TSC22D1: variants seen among roughly 807,000 people sequenced by gnomAD.
TSC22D1 encodes TSC22 domain family protein 1.
Under a neutral mutation model 74.2 loss-of-function variants are expected in TSC22D1, and 9 were observed. The observed-to-expected ratio is 0.12, with a 90% CI of 0.07 to 0.21. TSC22D1 has a LOEUF of 0.21. Among genes scored for constraint, TSC22D1 ranks in the 10% least tolerant of loss-of-function variants. The pLI is 1.00. For missense variants in TSC22D1, 1,427 were observed against 1,304.7 expected (o/e 1.09, Z -1.44); for synonymous variants, 586 against 492.5 (o/e 1.19, Z -2.51).
intron 1 of TSC22D1, among the ~76,000 whole-genome samples, chr13:44,470,296 A>G (rs1032321144): frequency 2.0e-5 from 3 of 152,188 alleles, no homozygotes; most frequent in African/African-American, 7.2e-5. Flanking sequence ...TAATGAGCAA[A>G]CCAAGAAGTC....
intron 1 of TSC22D1, among the ~76,000 whole-genome samples, chr13:44,525,795 C>CAAAAAAAAAAAAAAAAAAAAAAAAA (rs59399056): frequency 7.9e-5 from 7 of 88,550 alleles, no homozygotes; most frequent in Non-Finnish European, 1.3e-4. Flanking sequence ...TAGCTTTTAA[C>CAAAAAAAAAAAAAAAAAAAAAAAAA]AAAAAAAAAA....
intron 1 of TSC22D1, among the ~76,000 whole-genome samples, chr13:44,548,382 G>C (rs747662268): frequency 6.6e-6 from 1 of 152,166 alleles, no homozygotes; most frequent in Non-Finnish European, 1.5e-5. Context: ...CTGCACTCCA[G>C]CCTGGGTGAC....
intron 1 of TSC22D1, among the ~76,000 whole-genome samples, chr13:44,503,805 G>A (rs1406595828): frequency 2.0e-5 from 3 of 151,858 alleles, no homozygotes; most frequent in African/African-American, 7.3e-5. Context: ...CTTGAATACC[G>A]ATCAATTACA....
intron 1 of TSC22D1, among the ~76,000 whole-genome samples, chr13:44,567,171 C>A (rs1033120172): frequency 2.6e-5 from 4 of 152,150 alleles, no homozygotes; most frequent in African/African-American, 9.7e-5. Context: ...ATTCCACATC[C>A]CCCTCACTGC....
intron 1 of TSC22D1, among the ~76,000 whole-genome samples, chr13:44,449,053 C>G (rs1406450411): frequency 1.3e-5 from 2 of 152,238 alleles, no homozygotes; most frequent in Non-Finnish European, 2.9e-5. Context: ...GTGGAAACCA[C>G]AGCCAGAGAC....
intron 1 of TSC22D1, chr13:44,538,820 T>C (rs1881300175): frequency 3.0e-6 from 3 of 985,422 alleles, no homozygotes; most frequent in African/African-American, 3.5e-5. Flanking sequence ...ACAGATATCA[T>C]CCATGAAGGC....
intron 1 of TSC22D1, among the ~76,000 whole-genome samples, chr13:44,567,410 C>T (rs748104557): frequency 2.6e-5 from 4 of 151,750 alleles, no homozygotes; most frequent in Non-Finnish European, 5.9e-5. Context: ...ACATGACTAC[C>T]AACTATCTGA....
intron 1 of TSC22D1, among the ~76,000 whole-genome samples, chr13:44,498,921 A>T (rs1879099614): frequency 1.3e-5 from 2 of 152,228 alleles, no homozygotes; most frequent in East Asian, 3.8e-4. Flanking sequence ...CCTTCTTATT[A>T]AAAAAACTGA....
chr13:44,448,493 T>A (rs1488098037), intron 1 of TSC22D1, among the ~76,000 whole-genome samples: 1 of 152,166 alleles, frequency 6.6e-6, no homozygotes, highest in Non-Finnish European at 1.5e-5. Context: ...TTTAAGGATA[T>A]TACCTAGCTC....
intron 1 of TSC22D1, among the ~76,000 whole-genome samples, chr13:44,528,935 A>G (rs1364245828): frequency 6.6e-6 from 1 of 152,086 alleles, no homozygotes; most frequent in Non-Finnish European, 1.5e-5. Context: ...GGGAAAAAAC[A>G]GATAAACTGA....
chr13:44,517,366 ACTC>A (rs541261115), intron 1 of TSC22D1, among the ~76,000 whole-genome samples: 96 of 151,968 alleles, frequency 6.3e-4, no homozygotes, highest in Admixed American at 2.2e-3. Context: ...ACACAAATGT[ACTC>A]CTTCCTCACA....
intron 1 of TSC22D1, among the ~76,000 whole-genome samples, chr13:44,463,065 T>C (rs964883566): frequency 6.6e-6 from 1 of 152,180 alleles, no homozygotes; most frequent in Non-Finnish European, 1.5e-5. Context: ...TTCTTTCCCC[T>C]ACTAATCCTA....
intron 1 of TSC22D1, among the ~76,000 whole-genome samples, chr13:44,450,153 A>G (rs932688959): frequency 6.6e-6 from 1 of 152,256 alleles, no homozygotes; most frequent in African/African-American, 2.4e-5. Context: ...GTTAGACTAC[A>G]AGGTACAAAG....
intron 1 of TSC22D1, among the ~76,000 whole-genome samples, chr13:44,507,846 A>G (rs2138000152): frequency 6.6e-6 from 1 of 152,338 alleles, no homozygotes; most frequent in South Asian, 2.1e-4. Context: ...ATTCAGCATG[A>G]TAAATGCCTA....
rs1881047402 is a variant in TSC22D1, at chr13:44,534,697, T to A, written c.2912+38466A>T. ...ATTTCTTGATCCTCAGTACAAGACT[T>A]CCGAGTTACAGTGCTAAGTAAACAT... On this transcript the variant is annotated intron_variant, in intron 1 of 2. Transcript: ENST00000458659. 4.6e-5 allele frequency among the ~76,000 whole-genome samples: 7 copies of A among 152,278 alleles called. No individual in the cohort carries two copies. The South Asian group carries it at 1.4e-3, about 32-fold the overall frequency.
intron 1 of TSC22D1, chr13:44,436,442 A>C (rs1595074487): frequency 6.4e-7 from 1 of 1,562,334 alleles, no homozygotes. Context: ...GCTATCTTTC[A>C]CCTGTATTAT....
chr13:44,482,603 C>A (rs1290664978), intron 1 of TSC22D1, among the ~76,000 whole-genome samples: 3 of 152,184 alleles, frequency 2.0e-5, no homozygotes, highest in Non-Finnish European at 4.4e-5. Flanking sequence ...CTGCTAGTAA[C>A]TGACAGAGCT....
chr13:44,472,921 T>C (rs1355382047), intron 1 of TSC22D1, among the ~76,000 whole-genome samples: 1 of 152,162 alleles, frequency 6.6e-6, no homozygotes, highest in African/African-American at 2.4e-5. Flanking sequence ...GATTGGGCAA[T>C]TTAAAAAAGA....
Position 44,445,368 on chromosome 13 carries a change from T to C in TSC22D1, c.2913-9273A>G, listed in dbSNP as rs571092294. ...CAACTGATCCATTCTTTACGCCATA[T>C]GAAATATTAACTTAAAATGGATCAT... On this transcript the variant is annotated intron_variant, in intron 1 of 2. Transcript: ENST00000458659. Among the ~76,000 whole-genome samples, 7 of 151,038 alleles carry C rather than the reference T, an allele frequency of 4.6e-5. No individual in the cohort carries two copies. In the South Asian group the frequency reaches 1.3e-3, roughly 27 times the overall value.
Sources: gnomAD v4.1 joint callset for allele counts (sites outside exome capture counted in the v4.1 genomes callset) on GRCh38, gnomAD v4.1.1 for gene constraint, MANE v1.5 for transcripts, NCBI Gene and HGNC (gene_info 2026-07-23, HGNC 2026-07-21) for gene names.